The following RAB28 variants were observed in gnomAD, a reference collection of about 807,000 sequenced individuals.
RAB28 encodes ras-related protein Rab-28.
A neutral mutation model predicts 31.7 loss-of-function variants in RAB28; 24 were observed. That is an observed-to-expected ratio of 0.76 (90% CI 0.55 to 1.06). RAB28 has a LOEUF of 1.06. Among genes scored for constraint, RAB28 ranks in the 50% least tolerant of loss-of-function variants. RAB28 has a pLI of 0.00. For missense variants in RAB28, 254 were observed against 258.5 expected (o/e 0.98, Z 0.12); for synonymous variants, 100 against 90.4 (o/e 1.11, Z -0.60).
In RAB28 at chr4:13,392,872, T is replaced by C. The variant is rs980904147; in HGVS notation, c.392-11278A>G. On this transcript the variant is annotated intron_variant, in intron 4 of 6. Transcript: ENST00000330852. ...CTGTAAACAATAAATATAGTGAGTGTTCTCATCTATAAAATGAAAACAATA... is the reference window on the plus strand; with the variant it reads ...CTGTAAACAATAAATATAGTGAGTGCTCTCATCTATAAAATGAAAACAATA... Among the ~76,000 whole-genome samples the C allele has an allele frequency of 2.6e-5, 4 of 152,324 alleles. No individual in the cohort carries two copies. In the East Asian group the frequency reaches 7.7e-4, roughly 29 times the overall value.
At chr4:13,472,826 A>AAAATAAAT (rs1553815545) in intron 3 of RAB28, among the ~76,000 whole-genome samples, 1 of 57,566 alleles carries the variant, frequency 1.7e-5, no homozygotes, top group South Asian at 6.2e-4. Context: ...TTTAAAACAG[A>AAAATAAAT]AAATGAATAA....
chr4:13,434,469 A>G (rs1018096556), intron 4 of RAB28, among the ~76,000 whole-genome samples: 6 of 152,208 alleles, frequency 3.9e-5, no homozygotes, highest in African/African-American at 1.2e-4. Flanking sequence ...AGAAAACTAT[A>G]CAACAGTAGT....
chr4:13,368,758 C>T, intron 6 of RAB28, 108 bp from the exon 7 acceptor site: 1 of 816,744 alleles, frequency 1.2e-6, no homozygotes, highest in Non-Finnish European at 1.8e-6. Flanking sequence ...TGATGATGGA[C>T]ACCATAAATG....
intron 6 of RAB28, among the ~76,000 whole-genome samples, chr4:13,374,283 G>A (rs917979433): frequency 2.0e-5 from 3 of 152,134 alleles, no homozygotes; most frequent in African/African-American, 7.2e-5. Context: ...TGTGCAGGGA[G>A]GGTAGGGAAC....
intron 3 of RAB28, among the ~76,000 whole-genome samples, chr4:13,472,051 T>C (rs1178181412): frequency 6.6e-6 from 1 of 152,116 alleles, no homozygotes; most frequent in Non-Finnish European, 1.5e-5. Flanking sequence ...GGCAGCTTTG[T>C]AATAACATAA....
chr4:13,386,115 A>C (rs1487240527), intron 4 of RAB28, among the ~76,000 whole-genome samples: 1 of 152,046 alleles, frequency 6.6e-6, no homozygotes, highest in Non-Finnish European at 1.5e-5. Context: ...AAACTCTGAT[A>C]AAATATTAAT....
chr4:13,406,074 C>T lies in RAB28; in HGVS notation c.392-24480G>A, dbSNP rs903076041. Among the ~76,000 whole-genome samples the T allele has an allele frequency of 5.3e-5, 8 of 152,222 alleles. No homozygotes were observed. The South Asian group carries it at 1.5e-3, about 28-fold the overall frequency. ...CATGCAGGTTTGTTACACAGGTATA[C>T]ATGTGCCATGGTGGTTTGCTGCACC... On this transcript the variant is annotated intron_variant, in intron 4 of 6. Coordinates refer to ENST00000330852, the MANE Select transcript of RAB28 (RefSeq NM_001017979.3).
intron 6 of RAB28, among the ~76,000 whole-genome samples, chr4:13,375,623 T>G (rs908028934): frequency 2.0e-5 from 3 of 152,186 alleles, no homozygotes; most frequent in African/African-American, 7.2e-5. Flanking sequence ...AGCACTGTAT[T>G]TGGCCATACC....
chr4:13,434,655 A>G (rs1240142427), intron 4 of RAB28, among the ~76,000 whole-genome samples: 5 of 152,140 alleles, frequency 3.3e-5, no homozygotes, highest in Admixed American at 6.5e-5. Flanking sequence ...CTTGGTCATA[A>G]AGTCTCAAAA....
chr4:13,378,694 T>C (rs1221107614), intron 5 of RAB28, among the ~76,000 whole-genome samples: 2 of 152,066 alleles, frequency 1.3e-5, no homozygotes, highest in Non-Finnish European at 2.9e-5. Context: ...TAGTACACAA[T>C]GGAGAAGTTG....
chr4:13,484,034 G>A (rs1352487858), intron 1 of RAB28, 42 bp downstream of exon 1: 3 of 1,545,224 alleles, frequency 1.9e-6, no homozygotes, highest in African/African-American at 2.7e-5. Flanking sequence ...GACCGCCGGG[G>A]TTCCTGCAGG....
intron 4 of RAB28, among the ~76,000 whole-genome samples, chr4:13,445,438 G>A (rs1234436309): frequency 6.6e-6 from 1 of 152,046 alleles, no homozygotes; most frequent in Admixed American, 6.5e-5. Flanking sequence ...GAGGAAAAGA[G>A]GCATTCTGGC....
At chr4:13,446,319 T>C (rs73819865) in intron 4 of RAB28, among the ~76,000 whole-genome samples, 9,215 of 152,172 alleles carry the variant, frequency 0.061, 652 homozygotes, top group African/African-American at 0.17. Context: ...GGGAGTGGGA[T>C]CCACTGAGCA....
intron 6 of RAB28, 55 bp from the exon 7 acceptor site, chr4:13,368,705 C>A (rs2108871303): frequency 2.1e-6 from 3 of 1,455,580 alleles, no homozygotes; most frequent in East Asian, 4.7e-5. Flanking sequence ...TTAGAAAGAG[C>A]TCCTTAAAGT....
At chr4:13,435,031 A>AAAAG (rs1553872687) in intron 4 of RAB28, among the ~76,000 whole-genome samples, 8 of 150,684 alleles carry the variant, frequency 5.3e-5, no homozygotes, top group African/African-American at 1.2e-4. Context: ...AAAAAAAAAA[A>AAAAG]AAAAGAAAAG....
chr4:13,478,501 G>A lies in RAB28; in HGVS notation c.172+929C>T, dbSNP rs1180840274. On this transcript the variant is annotated intron_variant, in intron 2 of 6. Coordinates refer to ENST00000330852, the MANE Select transcript of RAB28 (RefSeq NM_001017979.3). ...TTTCATGGGGAGTTGTCTGATAGAT[G>A]GGGTGTCTGAGAGGTTAACATATTT... 2.7e-5 allele frequency among the ~76,000 whole-genome samples: 4 copies of A among 148,528 alleles called. No individual in the cohort carries two copies. The South Asian group carries it at 6.2e-4, about 23-fold the overall frequency.
chr4:13,384,937 T>C (rs563004088), intron 4 of RAB28, among the ~76,000 whole-genome samples: 2 of 152,270 alleles, frequency 1.3e-5, no homozygotes, highest in South Asian at 4.2e-4. Flanking sequence ...AGGAGTATGT[T>C]GAAACCCAAT....
chr4:13,425,971 G>C (rs1477126578), intron 4 of RAB28, among the ~76,000 whole-genome samples: 2 of 152,028 alleles, frequency 1.3e-5, no homozygotes, highest in Non-Finnish European at 2.9e-5. Context: ...TTGTTTTATA[G>C]CAGTGAAATA....
Position 13,368,656 on chromosome 4 carries a change from A to G in RAB28, c.574-6T>C, listed in dbSNP as rs987572161. 5.6e-6 allele frequency: 9 copies of G among 1,602,946 alleles called. No homozygotes were observed. Among genetic ancestry groups the G allele is most frequent in the Admixed American group, 1.7e-5 (1 of 59,380 alleles). On this transcript the variant is annotated splice_polypyrimidine_tract_variant and splice_region_variant and intron_variant, in intron 6 of 6. Transcript: ENST00000330852. ...ATATCTGCCTTCACCACCCTCTGTC[A>G]TAAAAGAAAACAGAGTTATTATCAG...
Sources: allele counts gnomAD v4.1 joint callset (sites outside exome capture counted in the v4.1 genomes callset), GRCh38; gene constraint gnomAD v4.1.1; transcripts MANE v1.5; gene names NCBI Gene and HGNC (gene_info 2026-07-23, HGNC 2026-07-21).